NREP: variants seen among roughly 807,000 people sequenced by gnomAD.
NREP encodes the protein neuronal regeneration related protein.
A neutral mutation model predicts 8.6 loss-of-function variants in NREP; 5 were observed. The ratio of observed to expected loss-of-function variants is 0.58; its 90% CI spans 0.30 to 1.22. The LOEUF is 1.22. NREP is among the 50% of genes most tolerant of loss of function. The probability of loss-of-function intolerance (pLI) is 0.07; values close to 1 mark genes in which losing one functional copy is unlikely to be tolerated. For synonymous variants in NREP, 27 were observed against 28.0 expected (o/e 0.96, Z 0.11); for missense variants, 86 against 82.5 (o/e 1.04, Z -0.17).
At chr5:111,818,527 G>A (rs1752444707) in intron 2 of NREP, among the ~76,000 whole-genome samples, 1 of 152,092 alleles carries the variant, frequency 6.6e-6, no homozygotes, top group African/African-American at 2.4e-5. Context: ...TGTAAACTGA[G>A]ATTAAGGCTA....
chr5:111,937,076 C>T (rs1755705580), intron 2 of NREP, among the ~76,000 whole-genome samples: 1 of 152,122 alleles, frequency 6.6e-6, no homozygotes. Context: ...GGAATGGCCA[C>T]TCCCTTCAGG....
intron 2 of NREP, among the ~76,000 whole-genome samples, chr5:111,774,723 C>T (rs566041662): frequency 1.3e-5 from 2 of 152,292 alleles, no homozygotes; most frequent in African/African-American, 4.8e-5. Context: ...ATTCTGCCAA[C>T]AACCTGAATG....
chr5:111,843,543 C>G (rs1753084568), intron 2 of NREP, among the ~76,000 whole-genome samples: 1 of 151,936 alleles, frequency 6.6e-6, no homozygotes, highest in Non-Finnish European at 1.5e-5. Context: ...GTTTGTAGAT[C>G]TCTGTTTCTT....
intron 1 of NREP, chr5:111,976,583 C>A: frequency 1.4e-6 from 1 of 698,220 alleles, no homozygotes; most frequent in Non-Finnish European, 2.4e-6. Context: ...GTCAAAACAT[C>A]CTTCAAGCAA....
intron 2 of NREP, among the ~76,000 whole-genome samples, chr5:111,872,035 C>A (rs1223443046): frequency 6.8e-6 from 1 of 146,682 alleles, no homozygotes; most frequent in Non-Finnish European, 1.5e-5. Flanking sequence ...TATATATATA[C>A]AATCTATATA....
chr5:111,743,327 T>C (rs3797727), intron 2 of NREP, among the ~76,000 whole-genome samples: 5 of 151,870 alleles, frequency 3.3e-5, no homozygotes, highest in Non-Finnish European at 7.4e-5. Context: ...ATTTAAGCAC[T>C]GCATAAGCTT....
At chr5:111,945,983 T>C (rs1480561020) in intron 2 of NREP, among the ~76,000 whole-genome samples, 1 of 151,584 alleles carries the variant, frequency 6.6e-6, no homozygotes, top group Non-Finnish European at 1.5e-5. Flanking sequence ...CCAGGACACA[T>C]TGCCATTCCC....
intron 2 of NREP, among the ~76,000 whole-genome samples, chr5:111,967,291 T>C (rs1193028883): frequency 1.7e-4 from 1 of 5,768 alleles, no homozygotes; most frequent in Non-Finnish European, 1.1e-3. Context: ...ATTCTTTCTT[T>C]ATATTTTTTT....
chr5:111,818,793 A>T (rs1204213538), intron 2 of NREP, among the ~76,000 whole-genome samples: 1 of 152,220 alleles, frequency 6.6e-6, no homozygotes, highest in African/African-American at 2.4e-5. Flanking sequence ...GGATAAAAAA[A>T]CTGTAGTATT....
chr5:111,757,713 C>G, upstream of NREP: 1 of 984,720 alleles, frequency 1.0e-6, no homozygotes, highest in Non-Finnish European at 1.2e-6. Flanking sequence ...GGACCCGCAG[C>G]TCTGCGCCCC....
Position 111,730,954 on chromosome 5 carries a change from G to C in NREP, c.174C>G (p.Arg58=). 2.5e-6 allele frequency: 4 copies of C among 1,613,900 alleles called. No homozygotes were observed. The highest frequency in any genetic ancestry group is 2.2e-5 in the East Asian group (1 of 44,870). ...AGTGGAGGTAACTGATTCTTGGGGA[G>C]CGGAGTTCACTGCTGCCCAGTGGAG... is the stretch of plus-strand genomic sequence containing the variant. ...SLTPLGSSEL[R]SPRISYLHFF is the part of the protein sequence containing the mutation. The change falls in exon 4 of 4, where the codon CGC becomes CGG. Residue 58 remains arginine (R), a synonymous_variant. Transcript: ENST00000257435.
chr5:111,815,986 G>A lies in NREP; in HGVS notation c.136-80479C>T, dbSNP rs1031156073. ...AACCACTCAGAATAAAAGACATATG[G>A]CTTTCAAAGGGAGCAAAGGTAATAC... On this transcript the variant is annotated intron_variant, in intron 2 of 3. Transcript: ENST00000395634. Among the ~76,000 whole-genome samples, 4 of 152,106 alleles carry A rather than the reference G, an allele frequency of 2.6e-5. No homozygotes were observed. In the East Asian group the frequency reaches 7.7e-4, roughly 29 times the overall value.
intron 2 of NREP, among the ~76,000 whole-genome samples, chr5:111,953,819 A>G (rs1416284652): frequency 6.6e-6 from 1 of 152,168 alleles, no homozygotes; most frequent in African/African-American, 2.4e-5. Flanking sequence ...TTGAAGGACC[A>G]GTGTAGACAA....
intron 2 of NREP, among the ~76,000 whole-genome samples, chr5:111,837,251 CA>C (rs1412360021): frequency 6.6e-6 from 1 of 151,798 alleles, no homozygotes; most frequent in African/African-American, 2.4e-5. Flanking sequence ...ATTCAAGATC[CA>C]GGTAGGGAAG....
At position 111,848,667 on chromosome 5, in the gene NREP, C is replaced by T. The variant is rs114107208; in HGVS notation, c.136-113160G>A. Among the ~76,000 whole-genome samples, 340 of 152,064 alleles carry T rather than the reference C, an allele frequency of 2.2e-3. 3 individuals are homozygous for T. Among genetic ancestry groups the T allele is most frequent in the African/African-American group, 7.7e-3 (319 of 41,490 alleles). On this transcript the variant is annotated intron_variant, in intron 2 of 3. Coordinates refer to the NREP transcript ENST00000395634. ...TCCCCCCAACCCCCCCATCCCCTGC[C>T]ACCTTGAAATGTGAATTGCCAAAGA...
chr5:111,810,396 TC>T (rs1752243982), intron 2 of NREP, among the ~76,000 whole-genome samples: 1 of 152,170 alleles, frequency 6.6e-6, no homozygotes, highest in African/African-American at 2.4e-5. Context: ...CATGAGCCAG[TC>T]TCCACAAAAT....
At chr5:111,812,875 A>G (rs930488545) in intron 2 of NREP, among the ~76,000 whole-genome samples, 1 of 152,174 alleles carries the variant, frequency 6.6e-6, no homozygotes, top group African/African-American at 2.4e-5. Flanking sequence ...ATTTCCTAAG[A>G]GTTGTGTATG....
intron 2 of NREP, among the ~76,000 whole-genome samples, chr5:111,744,078 G>A (rs937108873): frequency 3.3e-5 from 5 of 152,104 alleles, no homozygotes; most frequent in African/African-American, 9.7e-5. Context: ...AGTCTGAAGC[G>A]ATTTCAAAGC....
intron 2 of NREP, among the ~76,000 whole-genome samples, chr5:111,783,605 C>T (rs1269839172): frequency 6.6e-6 from 1 of 152,214 alleles, no homozygotes; most frequent in Non-Finnish European, 1.5e-5. Context: ...GATGTCCCTT[C>T]TCCATCTGAG....
Sources: allele counts gnomAD v4.1 joint callset (sites outside exome capture counted in the v4.1 genomes callset), GRCh38; gene constraint gnomAD v4.1.1; transcripts MANE v1.5; gene names NCBI Gene and HGNC (gene_info 2026-07-23, HGNC 2026-07-21).